Variants in TREX1 observed in about 807,000 individuals in gnomAD.
TREX1 encodes three prime repair exonuclease 1, also known as three-prime repair exonuclease 1.
TREX1 carries 11 observed loss-of-function variants against 13.7 expected under a neutral mutation model. The ratio of observed to expected loss-of-function variants is 0.80; its 90% confidence interval spans 0.51 to 1.33. The LOEUF (loss-of-function observed/expected upper bound fraction) is 1.33, where lower values mean the gene tolerates loss of function less well. Ranked by LOEUF, TREX1 falls within the 40% of genes most tolerant of loss-of-function variation. The probability of loss-of-function intolerance (pLI) is 0.00; values close to 1 mark genes in which losing one functional copy is unlikely to be tolerated. For synonymous variants in TREX1, 178 were observed against 178.8 expected, an observed-to-expected ratio of 1.00 and a Z score of 0.03; for missense variants, 409 against 404.4, an observed-to-expected ratio of 1.01 and a Z score of -0.10.
At chr3:48,466,137 A>C, upstream of TREX1, 1 of 416,990 alleles carries the variant, frequency 2.4e-6, no homozygotes, top group African/African-American at 2.0e-5. Context: ...TGTGGGGGGG[A>C]ACGGATGGTG....
chr3:48,466,183 G>A, upstream of TREX1: 1 of 522,824 alleles, frequency 1.9e-6, no homozygotes, highest in Non-Finnish European at 3.5e-6. Flanking sequence ...GACGAGCAGG[G>A]CGGGCCTGGC....
At chr3:48,466,061 C>T, upstream of TREX1, 1 of 339,830 alleles carries the variant, frequency 2.9e-6, no homozygotes, top group Non-Finnish European at 5.7e-6. Flanking sequence ...GTGCATTGTG[C>T]CACCAGCAGG....
chr3:48,466,127 T>G, upstream of TREX1: 1 of 414,196 alleles, frequency 2.4e-6, no homozygotes, highest in East Asian at 5.3e-5. Context: ...GGGGAGTGGG[T>G]GTGGGGGGGA....
rs11548268 is a variant in TREX1, at chr3:48,466,735, C to T, written c.80C>T (p.Ser27Phe). The T allele has an allele frequency of 2.5e-6, 4 of 1,614,068 alleles. No individual in the cohort carries two copies. In the South Asian group the frequency reaches 3.3e-5, roughly 13 times the overall value. Residue 27 changes from serine (S) to phenylalanine (F), a missense_variant, in exon 2 of 2, where the codon TCC (serine) becomes TTC (phenylalanine). Ser to Phe is a radical substitution (Grantham distance 155, BLOSUM62 -2). Transcript: ENST00000625293. ...ATGGAGGCCACTGGCTTGCCCTTCT[C>T]CCAGCCCAAGGTCACGGAGCTGTGC... ...FDMEATGLPF[S>F]QPKVTELCLL...
At position 48,466,643 on chromosome 3, in the gene TREX1, T is replaced by G. The variant is rs746107573; in HGVS notation, c.-13T>G. On this transcript the variant is annotated 5_prime_UTR_variant, in exon 2 of 2. Transcript: ENST00000625293. ...GCTCCTCTCCAGGCTCAGCAGCAGG[T>G]ACGTACCCAACCATGGGCTCGCAGG... 1.2e-6 allele frequency: 2 copies of G among 1,613,326 alleles called. No individual in the cohort carries two copies. The highest frequency in any genetic ancestry group is 4.5e-5 in the East Asian group (2 of 44,824).
At position 48,466,731 on chromosome 3, in the gene TREX1, T is replaced by C. The variant is rs772753856; in HGVS notation, c.76T>C (p.Phe26Leu). The change falls in exon 2 of 2, where the codon TTC becomes CTC. Residue 26 changes from phenylalanine to leucine, a missense_variant. Transcript: ENST00000625293. The stretch of plus-strand genomic sequence containing the variant: ...CGACATGGAGGCCACTGGCTTGCCC[T>C]TCTCCCAGCCCAAGGTCACGGAGCT... ...FFDMEATGLP[F>L]SQPKVTELCL... 6.2e-7 allele frequency: 1 copy of C among 1,613,974 alleles called. No individual in the cohort carries two copies. Among genetic ancestry groups the C allele is most frequent in the South Asian group, 1.1e-5 (1 of 91,082 alleles).
At chr3:48,466,109 C>T (rs1054850561), upstream of TREX1, 1 of 394,092 alleles carries the variant, frequency 2.5e-6, no homozygotes, top group South Asian at 2.3e-5. Context: ...TGGGGTCCCC[C>T]GGGAGCAGGG....
Position 48,466,262 on chromosome 3 carries a change from G to A in TREX1, c.-74G>A, listed in dbSNP as rs2040288927. 3.2e-6 allele frequency: 2 copies of A among 621,416 alleles called. No homozygotes were observed. Among genetic ancestry groups the A allele is most frequent in the Non-Finnish European group, 5.7e-6 (2 of 349,466 alleles). The allele number at this position is 621,416 out of a possible 1,614,324, so 38.5% of individuals were successfully genotyped here. A position where few individuals can be genotyped will look rare whatever the true frequency, so the allele number is the denominator to read the frequency against. On this transcript the variant is annotated 5_prime_UTR_variant, in exon 1 of 2. Coordinates refer to ENST00000625293, the MANE Select transcript of TREX1 (RefSeq NM_033629.6). ...GCCACTGCTGCCAGCGAGAGCCGCG[G>A]GAGAGTGTGCAGCCGAGTCACTACT...
chr3:48,466,404 A>G (rs925399636), intron 1 of TREX1, 95 bp downstream of exon 1: 8 of 1,587,798 alleles, frequency 5.0e-6, no homozygotes, highest in Admixed American at 5.0e-5. Flanking sequence ...GGGCCGAGTC[A>G]TGTGAAGAGG....
At chr3:48,466,110 G>A (rs916644137), upstream of TREX1, 35 of 394,814 alleles carry the variant, frequency 8.9e-5, no homozygotes, top group Admixed American at 8.2e-4. Flanking sequence ...GGGGTCCCCC[G>A]GGAGCAGGGG....
Position 48,467,450 on chromosome 3 carries a change from A to C in TREX1, c.795A>C (p.Gly265=), listed in dbSNP as rs1466606127. The change falls in exon 2 of 2, where the codon GGA becomes GGC. Residue 265 remains glycine (G), a synonymous_variant. Coordinates refer to ENST00000625293, the MANE Select transcript of TREX1 (RefSeq NM_033629.6). The stretch of plus-strand genomic sequence containing the variant: ...CCAGGAACACTAGTCCCAGCCTTGG[A>C]GAGAGCAGGGGTACCAAGGATCTTC... ...ATTRNTSPSL[G]ESRGTKDLPP... 6.8e-6 allele frequency: 11 copies of C among 1,614,168 alleles called. No homozygotes were observed. Among genetic ancestry groups the C allele is most frequent in the Non-Finnish European group, 9.3e-6 (11 of 1,180,020 alleles).
upstream of TREX1, chr3:48,466,139 C>A (rs544702905): frequency 1.9e-4 from 84 of 436,642 alleles, no homozygotes; most frequent in Non-Finnish European, 3.3e-4. Flanking sequence ...TGGGGGGGAA[C>A]GGATGGTGGT....
rs2040302171 is a variant in TREX1 at position 48,466,465 on chromosome 3, C to T, written c.-27+156C>T. The T allele has an allele frequency of 3.1e-6, 5 of 1,613,668 alleles. No homozygotes were observed. In the East Asian group the frequency reaches 6.7e-5, roughly 22 times the overall value. On this transcript the variant is annotated intron_variant, in intron 1 of 1. Coordinates refer to ENST00000625293, the MANE Select transcript of TREX1 (RefSeq NM_033629.6). ...GCTGGTCCCACTAAGGAAACCACCT[C>T]ACCCTCTCCAACTTCCTGCCTGAAA... is the stretch of plus-strand genomic sequence containing the variant.
intron 1 of TREX1, 104 bp downstream of exon 1, chr3:48,466,413 G>A: frequency 1.2e-6 from 2 of 1,603,282 alleles, no homozygotes; most frequent in Non-Finnish European, 1.7e-6. Context: ...CATGTGAAGA[G>A]GGAGACCCTC....
chr3:48,466,597 G>C, intron 1 of TREX1, 33 bp from the exon 2 acceptor site: 1 of 1,613,946 alleles, frequency 6.2e-7, no homozygotes, highest in African/African-American at 1.3e-5. Context: ...TTAACACTGG[G>C]CACTCACACA....
intron 1 of TREX1, 60 bp from the exon 2 acceptor site, chr3:48,466,558 CCCCTACCCCACT>C: frequency 6.2e-7 from 1 of 1,613,936 alleles, no homozygotes; most frequent in Middle Eastern, 1.6e-4. Context: ...TTCTGCCCAC[CCCCTACCCCACT>C]CCCTCCCCTT....
Position 48,466,809 on chromosome 3 carries a change from G to T in TREX1, c.154G>T (p.Gly52Trp), listed in dbSNP as rs1328154001. 3 of 1,613,806 alleles carry T rather than the reference G, an allele frequency of 1.9e-6. No homozygotes were observed. Residue 52 changes from glycine (G) to tryptophan (W), a missense_variant, in exon 2 of 2, where the codon GGG (glycine) becomes TGG (tryptophan). Transcript: ENST00000625293. ...CCTGGAGAGCCCCCCCACCTCTCAG[G>T]GGCCACCTCCCACAGTTCCTCCACC... ...CALESPPTSQ[G>W]PPPTVPPPPR... is the part of the protein sequence containing the mutation.
rs761094995 is a variant in TREX1 at position 48,466,676 on chromosome 3, C to T, written c.21C>T (p.Pro7=). Residue 7 remains proline (P), a synonymous_variant, in exon 2 of 2, where the codon CCC becomes CCT. Coordinates refer to ENST00000625293, the MANE Select transcript of TREX1 (RefSeq NM_033629.6). MGSQAL[P]PGPMQTLIFF... is the part of the protein sequence containing the mutation. ...CAACCATGGGCTCGCAGGCCCTGCCCCCGGGGCCCATGCAGACCCTCATCT... is the reference window on the plus strand; with the variant it reads ...CAACCATGGGCTCGCAGGCCCTGCCTCCGGGGCCCATGCAGACCCTCATCT... 3.7e-6 allele frequency: 6 copies of T among 1,614,078 alleles called. No individual in the cohort carries two copies. The highest frequency in any genetic ancestry group is 5.1e-6 in the Non-Finnish European group (6 of 1,180,008).
Position 48,466,847 on chromosome 3 carries a change from A to C in TREX1, c.192A>C (p.Val64=), listed in dbSNP as rs2107256574. Residue 64 remains valine, a synonymous_variant, in exon 2 of 2, where the codon GTA becomes GTC. Coordinates refer to ENST00000625293, the MANE Select transcript of TREX1 (RefSeq NM_033629.6). ...CAGTTCCTCCACCACCGCGTGTGGT[A>C]GACAAGCTCTCCCTGTGTGTGGCTC... ...PPTVPPPPRV[V]DKLSLCVAPG... is the part of the protein sequence containing the mutation. 6.2e-7 allele frequency: 1 copy of C among 1,613,920 alleles called. No homozygotes were observed. Among genetic ancestry groups the C allele is most frequent in the Non-Finnish European group, 8.5e-7 (1 of 1,180,020 alleles).
Sources: gnomAD v4.1 joint callset for allele counts on GRCh38, gnomAD v4.1.1 for gene constraint, MANE v1.5 for transcripts, NCBI Gene and HGNC (gene_info 2026-07-23, HGNC 2026-07-21) for gene names.